VPS13B: variants seen among roughly 807,000 people sequenced by gnomAD.
VPS13B encodes intermembrane lipid transfer protein VPS13B.
A neutral mutation model predicts 426.4 loss-of-function variants in VPS13B; 285 were observed. The ratio of observed to expected loss-of-function variants is 0.67; its 90% CI spans 0.61 to 0.74. The LOEUF is 0.74. Among genes scored for constraint, VPS13B ranks in the 30% least tolerant of loss-of-function variants. The probability of loss-of-function intolerance (pLI) is 0.00; values close to 1 mark genes in which losing one functional copy is unlikely to be tolerated. For missense variants in VPS13B, 4,537 were observed against 4,782.6 expected, an observed-to-expected ratio of 0.95 and a Z score of 1.51; for synonymous variants, 1,676 against 1,676.4, an observed-to-expected ratio of 1.00 and a Z score of 0.01.
At chr8:99,317,935 T>C (rs1219643890) in intron 19 of VPS13B, among the ~76,000 whole-genome samples, 1 of 152,160 alleles carries the variant, frequency 6.6e-6, no homozygotes, top group Non-Finnish European at 1.5e-5. Context: ...CTGTTTTATA[T>C]ATGTATATAT....
chr8:99,297,907 C>T (rs1328961343), intron 19 of VPS13B, among the ~76,000 whole-genome samples: 1 of 152,062 alleles, frequency 6.6e-6, no homozygotes, highest in Non-Finnish European at 1.5e-5. Flanking sequence ...TAATTAATGT[C>T]TTCTTGCTGG....
At chr8:99,496,644 C>G (rs939190630) in intron 25 of VPS13B, among the ~76,000 whole-genome samples, 2 of 151,978 alleles carry the variant, frequency 1.3e-5, no homozygotes, top group African/African-American at 4.8e-5. Flanking sequence ...CAGCAAGACT[C>G]CATCTCAGGA....
intron 20 of VPS13B, among the ~76,000 whole-genome samples, chr8:99,391,142 G>C (rs1332586278): frequency 7.0e-6 from 1 of 142,574 alleles, no homozygotes; most frequent in Non-Finnish European, 1.6e-5. Flanking sequence ...CATTTTATAA[G>C]GATAACTTTA....
At chr8:99,520,825 C>T in intron 29 of VPS13B, 74 bp from the exon 30 acceptor site, 1 of 1,207,744 alleles carries the variant, frequency 8.3e-7, no homozygotes. Context: ...TCCATTCCCT[C>T]AAAGATTTCT....
At chr8:99,695,222 C>G (rs1205963542) in intron 35 of VPS13B, among the ~76,000 whole-genome samples, 64 of 150,756 alleles carry the variant, frequency 4.2e-4, no homozygotes, top group African/African-American at 1.5e-3. Context: ...GATTATAAAT[C>G]ATGCTGCTAT....
chr8:99,686,124 C>T (rs1831388030), intron 35 of VPS13B, among the ~76,000 whole-genome samples: 1 of 152,192 alleles, frequency 6.6e-6, no homozygotes, highest in South Asian at 2.1e-4. Context: ...AGTGGTGCCA[C>T]CTTGATGGTC....
intron 33 of VPS13B, among the ~76,000 whole-genome samples, chr8:99,579,962 T>C (rs1320554641): frequency 6.6e-6 from 1 of 152,146 alleles, no homozygotes; most frequent in Non-Finnish European, 1.5e-5. Context: ...CCTCCCAAAG[T>C]GCTGAGATTA....
intron 19 of VPS13B, among the ~76,000 whole-genome samples, chr8:99,359,576 A>G (rs1812380343): frequency 6.6e-6 from 1 of 152,216 alleles, no homozygotes; most frequent in Non-Finnish European, 1.5e-5. Flanking sequence ...AAAAAGGTAC[A>G]AATATCTTTA....
chr8:99,465,532 A>G (rs916181349), intron 23 of VPS13B, among the ~76,000 whole-genome samples: 2 of 152,066 alleles, frequency 1.3e-5, no homozygotes, highest in African/African-American at 4.8e-5. Context: ...TAAAAATTTA[A>G]CAAATTTTAA....
intron 54 of VPS13B, among the ~76,000 whole-genome samples, chr8:99,844,737 G>A (rs1815891828): frequency 1.3e-5 from 2 of 152,236 alleles, no homozygotes; most frequent in East Asian, 3.9e-4. Flanking sequence ...ATCACATTGG[G>A]GGGCTAGAAT....
At chr8:99,807,618 G>A (rs1813468888) in intron 43 of VPS13B, among the ~76,000 whole-genome samples, 1 of 151,644 alleles carries the variant, frequency 6.6e-6, no homozygotes, top group African/African-American at 2.4e-5. Context: ...GTACTTTTAT[G>A]TTGTAGAGTA....
chr8:99,438,373 G>T (rs1019512900), intron 22 of VPS13B, among the ~76,000 whole-genome samples: 1 of 151,992 alleles, frequency 6.6e-6, no homozygotes, highest in Non-Finnish European at 1.5e-5. Context: ...GGATTAAATG[G>T]GAGTAGACAT....
intron 27 of VPS13B, 117 bp from the exon 28 acceptor site, chr8:99,507,020 T>C (rs1289907481): frequency 9.6e-7 from 1 of 1,043,308 alleles, no homozygotes; most frequent in South Asian, 1.3e-5. Context: ...GTCAGATTTA[T>C]GTTTTAGTTC....
At chr8:99,818,321 T>C in intron 45 of VPS13B, 130 bp from the exon 46 acceptor site, 1 of 1,005,014 alleles carries the variant, frequency 1.0e-6, no homozygotes, top group Non-Finnish European at 1.5e-6. Context: ...GCTCAGTTTT[T>C]TTTAATAATG....
chr8:99,345,537 A>G (rs760678406), intron 19 of VPS13B, among the ~76,000 whole-genome samples: 4 of 152,142 alleles, frequency 2.6e-5, no homozygotes, highest in Non-Finnish European at 4.4e-5. Flanking sequence ...CAATTATTTA[A>G]AATTGTAAAA....
At chr8:99,779,457 CAAAA>C (rs1250057495) in intron 42 of VPS13B, among the ~76,000 whole-genome samples, 1 of 151,914 alleles carries the variant, frequency 6.6e-6, no homozygotes, top group East Asian at 1.9e-4. Flanking sequence ...AACAAACAAA[CAAAA>C]AAAGCAGCGA....
At chr8:99,054,361 A>G (rs1468215487) in intron 3 of VPS13B, among the ~76,000 whole-genome samples, 1 of 152,352 alleles carries the variant, frequency 6.6e-6, no homozygotes, top group South Asian at 2.1e-4. Flanking sequence ...GATAGTGTCT[A>G]TCTTAATGGG....
intron 33 of VPS13B, among the ~76,000 whole-genome samples, chr8:99,613,027 A>T (rs902679881): frequency 8.5e-5 from 13 of 152,108 alleles, no homozygotes; most frequent in Admixed American, 5.2e-4. Flanking sequence ...ATGTGAAACC[A>T]CCCTTGTATC....
At chr8:99,406,156 A>G (rs564020550) in intron 21 of VPS13B, among the ~76,000 whole-genome samples, 14 of 151,848 alleles carry the variant, frequency 9.2e-5, no homozygotes, top group African/African-American at 3.1e-4. Flanking sequence ...ATAGGTCTGT[A>G]CCACTCACCC....
Sources: allele counts gnomAD v4.1 joint callset (sites outside exome capture counted in the v4.1 genomes callset), GRCh38; gene constraint gnomAD v4.1.1; transcripts MANE v1.5; gene names NCBI Gene and HGNC (gene_info 2026-07-23, HGNC 2026-07-21).